SYT16: variants seen among roughly 807,000 people sequenced by gnomAD.
SYT16 encodes synaptotagmin 16.
Under a neutral mutation model 61.4 loss-of-function variants are expected in SYT16, and 42 were observed. The ratio of observed to expected loss-of-function variants is 0.68; its 90% CI spans 0.53 to 0.89. The LOEUF (loss-of-function observed/expected upper bound fraction) is 0.89. SYT16 is among the 40% of genes least tolerant of loss of function. The probability of loss-of-function intolerance (pLI) is 0.00; values close to 1 mark genes in which losing one functional copy is unlikely to be tolerated. For missense variants in SYT16, 804 were observed against 807.3 expected, an observed-to-expected ratio of 1.00 and a Z score of 0.05; for synonymous variants, 314 against 302.3, an observed-to-expected ratio of 1.04 and a Z score of -0.40.
At chr14:62,027,674 C>G (rs1218804237) in intron 3 of SYT16, among the ~76,000 whole-genome samples, 1 of 152,142 alleles carries the variant, frequency 6.6e-6, no homozygotes, top group Non-Finnish European at 1.5e-5. Flanking sequence ...GTTCCTGCAG[C>G]ACCAAGACCT....
Position 62,108,966 on chromosome 14 carries a change from C to T in SYT16, c.*8259C>T, listed in dbSNP as rs2057557829. The T allele has an allele frequency of 6.6e-6, 1 of 152,136 alleles. No homozygotes were observed. The highest frequency in any genetic ancestry group is 1.9e-4 in the East Asian group (1 of 5,198). The allele number at this position is 152,136 out of a possible 1,614,324, so 9.4% of individuals were successfully genotyped here. ...ATACTCCAAACACAACCTTCTTCCCCGTGAACATTTTGAACACCACAGTGC... is the reference window on the plus strand; with the variant it reads ...ATACTCCAAACACAACCTTCTTCCCTGTGAACATTTTGAACACCACAGTGC... On this transcript the variant is annotated 3_prime_UTR_variant, in exon 8 of 8. Transcript: ENST00000683842.
At chr14:61,861,732 A>G (rs1347381418) in intron 1 of SYT16, among the ~76,000 whole-genome samples, 38 of 152,202 alleles carry the variant, frequency 2.5e-4, no homozygotes. Context: ...ACATAGGCAT[A>G]TTTTAGAGAT....
chr14:62,024,881 A>C (rs1407443949), intron 3 of SYT16, among the ~76,000 whole-genome samples: 1 of 152,066 alleles, frequency 6.6e-6, no homozygotes, highest in African/African-American at 2.4e-5. Flanking sequence ...AGTTGGACTT[A>C]TATAGTATAT....
At chr14:61,852,068 TTACTC>T (rs1436761715) in intron 1 of SYT16, among the ~76,000 whole-genome samples, 1 of 152,364 alleles carries the variant, frequency 6.6e-6, no homozygotes, top group African/African-American at 2.4e-5. Flanking sequence ...ATTTAAGTCT[TTACTC>T]TATCTTGAGT....
chr14:61,877,981 G>T (rs1015839754), intron 1 of SYT16, among the ~76,000 whole-genome samples: 2 of 152,120 alleles, frequency 1.3e-5, no homozygotes, highest in Admixed American at 1.3e-4. Flanking sequence ...AGTATACCTT[G>T]CCCTGGGCAC....
intron 1 of SYT16, among the ~76,000 whole-genome samples, chr14:61,875,616 A>G (rs1197256314): frequency 2.0e-5 from 3 of 152,164 alleles, no homozygotes; most frequent in Non-Finnish European, 4.4e-5. Flanking sequence ...AGGGCTGGAG[A>G]GCCAGATTGT....
chr14:61,894,303 A>C (rs217672), intron 1 of SYT16, among the ~76,000 whole-genome samples: 42,342 of 151,140 alleles, frequency 0.28, 6,153 homozygotes, highest in East Asian at 0.43. Flanking sequence ...AAAAAAAAAA[A>C]AAAAGCCTGT....
chr14:61,932,528 C>T (rs1327741352), intron 1 of SYT16, among the ~76,000 whole-genome samples: 1 of 152,070 alleles, frequency 6.6e-6, no homozygotes, highest in Non-Finnish European at 1.5e-5. Context: ...ACCATCAGAT[C>T]TCGTGAGAAT....
chr14:61,991,846 G>C (rs1002117176), intron 2 of SYT16, among the ~76,000 whole-genome samples: 5 of 152,186 alleles, frequency 3.3e-5, no homozygotes, highest in Admixed American at 6.5e-5. Context: ...AGAGCAGAAA[G>C]GGTGTTAAAA....
intron 1 of SYT16, among the ~76,000 whole-genome samples, chr14:61,862,168 A>G (rs79266933): frequency 0.029 from 4,461 of 152,302 alleles, 233 homozygotes; most frequent in African/African-American, 0.1. Context: ...GTACCATCCT[A>G]TAACTTTTGA....
At chr14:61,841,839 G>T (rs975864911) in intron 1 of SYT16, among the ~76,000 whole-genome samples, 1 of 152,128 alleles carries the variant, frequency 6.6e-6, no homozygotes, top group Non-Finnish European at 1.5e-5. Flanking sequence ...TGCTGCAAAG[G>T]ACATGATTTC....
chr14:62,093,060 G>A (rs1368988829), intron 7 of SYT16, among the ~76,000 whole-genome samples: 7 of 152,070 alleles, frequency 4.6e-5, no homozygotes, highest in African/African-American at 1.7e-4. Context: ...CTGTATGTAT[G>A]TGGGAGCAGG....
intron 1 of SYT16, among the ~76,000 whole-genome samples, chr14:61,837,233 A>ATTTTTT (rs1237212390): frequency 8.1e-6 from 1 of 122,826 alleles, no homozygotes; most frequent in Non-Finnish European, 1.7e-5. Context: ...GCAGAGGCTG[A>ATTTTTT]TTTTTTTTTT....
At chr14:62,056,736 G>C (rs183799063) in intron 3 of SYT16, among the ~76,000 whole-genome samples, 2 of 152,138 alleles carry the variant, frequency 1.3e-5, no homozygotes, top group Admixed American at 1.3e-4. Flanking sequence ...ACCCATTCAG[G>C]CTCCTTGAAT....
chr14:61,985,240 A>G (rs868225269), intron 2 of SYT16, among the ~76,000 whole-genome samples: 39 of 152,192 alleles, frequency 2.6e-4, no homozygotes, highest in African/African-American at 8.7e-4. Context: ...GTTTAGTTTG[A>G]AGCTTGTGTA....
Position 61,864,779 on chromosome 14 carries a change from C to A in SYT16, c.-325+51969C>A, listed in dbSNP as rs2047085425. 3.2e-6 allele frequency: 3 copies of A among 949,090 alleles called. No individual in the cohort carries two copies. In the Admixed American group the frequency reaches 6.4e-5, roughly 20 times the overall value. 58.8% of individuals were successfully genotyped at this position (949,090 alleles called of 1,614,324 possible). Reference sequence around the variant, plus strand: ...GACGCATGTGGCTGGCCGGTTGGGCCCTAGTGTCTGCCAGCGCCTGGAGGG... The same window carrying A: ...GACGCATGTGGCTGGCCGGTTGGGCACTAGTGTCTGCCAGCGCCTGGAGGG... On this transcript the variant is annotated intron_variant, in intron 1 of 7. Transcript: ENST00000683842.
At position 61,832,228 on chromosome 14, in the gene SYT16, C is replaced by T. The variant is rs928847278; in HGVS notation, c.-325+19418C>T. The T allele has an allele frequency of 6.0e-5, 38 of 629,846 alleles. No individual in the cohort carries two copies. The African/African-American group carries it at 6.2e-4, about 10-fold the overall frequency. 39.0% of individuals were successfully genotyped at this position (629,846 alleles called of 1,614,324 possible). On this transcript the variant is annotated intron_variant, in intron 1 of 7. Coordinates refer to ENST00000683842, the MANE Select transcript of SYT16 (RefSeq NM_001367656.1). ...GACAGGTGCTTGACATGGGCCACAT[C>T]GGGTACGGGATAGTCACGTCGATCC...
At chr14:61,921,924 A>G (rs2049347825) in intron 1 of SYT16, among the ~76,000 whole-genome samples, 1 of 152,226 alleles carries the variant, frequency 6.6e-6, no homozygotes, top group African/African-American at 2.4e-5. Flanking sequence ...TCAATAAAAT[A>G]CTAGCTGTTT....
intron 3 of SYT16, among the ~76,000 whole-genome samples, chr14:62,056,620 T>C (rs2055568947): frequency 6.6e-6 from 1 of 152,196 alleles, no homozygotes; most frequent in African/African-American, 2.4e-5. Flanking sequence ...TGTTCCTGCA[T>C]AGACTTTCTT....
Sources: allele counts gnomAD v4.1 joint callset (sites outside exome capture counted in the v4.1 genomes callset), GRCh38; gene constraint gnomAD v4.1.1; transcripts MANE v1.5; gene names NCBI Gene and HGNC (gene_info 2026-07-23, HGNC 2026-07-21).